TRAF3IP1: variants seen among roughly 807,000 people sequenced by gnomAD.
TRAF3IP1 encodes intraflagellar transport 54, also known as TRAF3-interacting protein 1.
TRAF3IP1 carries 53 observed loss-of-function variants against 89.9 expected under a neutral mutation model. That is an observed-to-expected ratio of 0.59 (90% CI 0.47 to 0.74). The LOEUF is 0.74. TRAF3IP1 is among the 30% of genes least tolerant of loss of function. The pLI is 0.00. For synonymous variants in TRAF3IP1, 311 were observed against 322.1 expected (o/e 0.97, Z 0.37); for missense variants, 806 against 866.1 (o/e 0.93, Z 0.87).
intron 1 of TRAF3IP1, among the ~76,000 whole-genome samples, chr2:238,323,746 T>C (rs1248841087): frequency 1.3e-5 from 2 of 152,258 alleles, no homozygotes; most frequent in Non-Finnish European, 1.5e-5. Context: ...GGGTCCCAGC[T>C]ATTCAAAATG....
At chr2:238,361,049 CTTT>C (rs369769728) in intron 15 of TRAF3IP1, among the ~76,000 whole-genome samples, 1 of 143,410 alleles carries the variant, frequency 7.0e-6, no homozygotes, top group East Asian at 2.0e-4. Flanking sequence ...ATTTAAAAAA[CTTT>C]TTTTTTTTTT....
At chr2:238,329,416 T>C (rs1698013576) in intron 5 of TRAF3IP1, 74 bp downstream of exon 5, 8 of 1,265,956 alleles carry the variant, frequency 6.3e-6, no homozygotes, top group Non-Finnish European at 1.0e-6. Flanking sequence ...TTTTTACCTT[T>C]CTTACAATAT....
chr2:238,385,054 C>T (rs370957600), intron 15 of TRAF3IP1, among the ~76,000 whole-genome samples: 1 of 151,802 alleles, frequency 6.6e-6, no homozygotes, highest in Non-Finnish European at 1.5e-5. Context: ...CTCGCTCTGT[C>T]CCCCAGGCTG....
chr2:238,363,044 ATACTT>A (rs1699729692), intron 15 of TRAF3IP1, among the ~76,000 whole-genome samples: 2 of 152,160 alleles, frequency 1.3e-5, no homozygotes, highest in Admixed American at 6.5e-5. Context: ...TATCTTATCT[ATACTT>A]AGTTTTTCTT....
At chr2:238,370,288 T>G (rs547570730) in intron 15 of TRAF3IP1, among the ~76,000 whole-genome samples, 2 of 152,202 alleles carry the variant, frequency 1.3e-5, no homozygotes, top group East Asian at 3.9e-4. Context: ...TGTGTCTGTG[T>G]GTGCATGTGT....
chr2:238,387,559 G>A (rs1700823465), intron 15 of TRAF3IP1, among the ~76,000 whole-genome samples: 1 of 152,154 alleles, frequency 6.6e-6, no homozygotes, highest in African/African-American at 2.4e-5. Flanking sequence ...CTTTGACCCA[G>A]TAATGCCACT....
chr2:238,389,748 A>AAATAATAATAAT (rs71905391), intron 15 of TRAF3IP1, among the ~76,000 whole-genome samples: 7,907 of 146,254 alleles, frequency 0.054, 413 homozygotes, highest in African/African-American at 0.13. Context: ...ACTCCATCTC[A>AAATAATAATAAT]AATAATAATA....
At chr2:238,365,309 T>C (rs1317659735) in intron 15 of TRAF3IP1, among the ~76,000 whole-genome samples, 1 of 152,184 alleles carries the variant, frequency 6.6e-6, no homozygotes, top group Non-Finnish European at 1.5e-5. Context: ...TTTTTGGTCC[T>C]AGTATTATTG....
intron 3 of TRAF3IP1, among the ~76,000 whole-genome samples, chr2:238,326,843 G>A (rs529467163): frequency 3.3e-5 from 5 of 152,132 alleles, no homozygotes; most frequent in African/African-American, 1.2e-4. Context: ...CTCCTAGGAG[G>A]CCCCCCCAGT....
chr2:238,390,710 T>TGTAATGC (rs1700959115), intron 15 of TRAF3IP1, among the ~76,000 whole-genome samples: 1 of 152,226 alleles, frequency 6.6e-6, no homozygotes, highest in Non-Finnish European at 1.5e-5. Flanking sequence ...AACTGCTTAC[T>TGTAATGC]TTATATTATC....
intron 3 of TRAF3IP1, among the ~76,000 whole-genome samples, chr2:238,326,908 G>C (rs757556526): frequency 2.6e-4 from 39 of 152,254 alleles, no homozygotes; most frequent in African/African-American, 9.1e-4. Context: ...CAGTACACTG[G>C]CCTCTGTCCC....
intron 5 of TRAF3IP1, 121 bp downstream of exon 5, chr2:238,329,463 A>C: frequency 1.2e-6 from 1 of 856,634 alleles, no homozygotes; most frequent in Non-Finnish European, 1.6e-6. Flanking sequence ...CCTATTTAAA[A>C]TGATGACAAT....
At chr2:238,380,922 C>T (rs1006272323) in intron 15 of TRAF3IP1, among the ~76,000 whole-genome samples, 1 of 152,112 alleles carries the variant, frequency 6.6e-6, no homozygotes, top group African/African-American at 2.4e-5. Flanking sequence ...AAGGATCCTT[C>T]CTGGGAATAT....
chr2:238,325,763 T>C (rs763320984), intron 2 of TRAF3IP1, 46 bp from the exon 3 acceptor site: 1 of 1,559,724 alleles, frequency 6.4e-7, no homozygotes, highest in Non-Finnish European at 8.8e-7. Flanking sequence ...TAATGCACAC[T>C]CTTCAAAGTA....
chr2:238,347,610 C>A, intron 10 of TRAF3IP1, 135 bp downstream of exon 10: 4 of 829,548 alleles, frequency 4.8e-6, no homozygotes, highest in South Asian at 1.6e-5. Context: ...AAGATCATAA[C>A]TACCCTAATG....
intron 9 of TRAF3IP1, among the ~76,000 whole-genome samples, chr2:238,346,959 C>G (rs1434452388): frequency 6.6e-6 from 1 of 152,230 alleles, no homozygotes; most frequent in African/African-American, 2.4e-5. Flanking sequence ...AGGTGGGCCT[C>G]TGTTGAGCTG....
intron 15 of TRAF3IP1, among the ~76,000 whole-genome samples, chr2:238,377,062 C>T (rs983078974): frequency 3.9e-5 from 6 of 152,068 alleles, no homozygotes; most frequent in Non-Finnish European, 8.8e-5. Flanking sequence ...GCCCAAGCTC[C>T]GCACCATTGT....
At chr2:238,334,734 A>C (rs143602070) in intron 7 of TRAF3IP1, among the ~76,000 whole-genome samples, 1,587 of 152,368 alleles carry the variant, frequency 0.01, 36 homozygotes, top group African/African-American at 0.036. Flanking sequence ...CTTAGATGGT[A>C]GGTTCCACAT....
chr2:238,362,426 A>C (rs1287593685), intron 15 of TRAF3IP1, among the ~76,000 whole-genome samples: 1 of 152,204 alleles, frequency 6.6e-6, no homozygotes, highest in Non-Finnish European at 1.5e-5. Context: ...CTCATGGGTC[A>C]GTCTAGAGGT....
Sources: allele counts gnomAD v4.1 joint callset (sites outside exome capture counted in the v4.1 genomes callset), GRCh38; gene constraint gnomAD v4.1.1; transcripts MANE v1.5; gene names NCBI Gene and HGNC (gene_info 2026-07-23, HGNC 2026-07-21).